Variants in DYNC2H1 observed in about 807,000 individuals in gnomAD.
DYNC2H1 encodes cytoplasmic dynein 2 heavy chain 1.
Under a neutral mutation model 570.0 loss-of-function variants are expected in DYNC2H1, and 410 were observed. That is an observed-to-expected ratio of 0.72 (90% confidence interval 0.66 to 0.78). The LOEUF (loss-of-function observed/expected upper bound fraction) is 0.78, where lower values mean the gene tolerates loss of function less well. Among genes scored for constraint, DYNC2H1 ranks in the 30% least tolerant of loss-of-function variants. The pLI is 0.00. For missense variants in DYNC2H1, 4,865 were observed against 5,046.4 expected (o/e 0.96, Z 1.09); for synonymous variants, 1,688 against 1,677.6 (o/e 1.01, Z -0.15).
chr11:103,250,757 C>T (rs1391844435), intron 65 of DYNC2H1, among the ~76,000 whole-genome samples: 2 of 151,964 alleles, frequency 1.3e-5, no homozygotes, highest in East Asian at 3.9e-4. Context: ...CCTTCTTCAG[C>T]TTCCTACCCA....
chr11:103,346,683 G>C (rs1939761405), intron 82 of DYNC2H1, among the ~76,000 whole-genome samples: 1 of 152,132 alleles, frequency 6.6e-6, no homozygotes, highest in African/African-American at 2.4e-5. Flanking sequence ...AGATATGAAA[G>C]TGTCTTTTTG....
At chr11:103,113,015 T>A (rs1363750084) in intron 1 of DYNC2H1, among the ~76,000 whole-genome samples, 1 of 152,238 alleles carries the variant, frequency 6.6e-6, no homozygotes, top group Non-Finnish European at 1.5e-5. Flanking sequence ...ATAAAGTTAA[T>A]TTCAGGAGAT....
chr11:103,359,669 T>G (rs1434953497), intron 83 of DYNC2H1, among the ~76,000 whole-genome samples: 4 of 35,218 alleles, frequency 1.1e-4, no homozygotes, highest in Non-Finnish European at 2.6e-4. Flanking sequence ...TTTTTTTTAC[T>G]TTTTTTTTTT....
At chr11:103,409,511 G>A (rs564606634) in intron 84 of DYNC2H1, 2 of 152,150 alleles carry the variant, frequency 1.3e-5, no homozygotes, top group Non-Finnish European at 2.9e-5. Context: ...TTATTTCCTA[G>A]GGTCTAAAGA....
intron 83 of DYNC2H1, among the ~76,000 whole-genome samples, chr11:103,374,713 C>A (rs1188044042): frequency 6.6e-6 from 1 of 152,116 alleles, no homozygotes; most frequent in African/African-American, 2.4e-5. Flanking sequence ...TGACCCTGCC[C>A]TAGAGAACTG....
At chr11:103,342,396 A>AC (rs1192589020) in intron 82 of DYNC2H1, among the ~76,000 whole-genome samples, 2 of 152,032 alleles carry the variant, frequency 1.3e-5, no homozygotes, top group South Asian at 2.1e-4. Context: ...AAAGCTGGCC[A>AC]CCCCAGCCAG....
chr11:103,466,481 A>G (rs139648876), intron 87 of DYNC2H1, among the ~76,000 whole-genome samples: 11 of 152,310 alleles, frequency 7.2e-5, no homozygotes, highest in Non-Finnish European at 1.5e-4. Flanking sequence ...GACTAGGAAA[A>G]GATACTAGTA....
chr11:103,148,750 A>AG, intron 20 of DYNC2H1, 133 bp downstream of exon 20: 1 of 1,176,974 alleles, frequency 8.5e-7, no homozygotes, highest in South Asian at 1.7e-5. Flanking sequence ...AGTCTGGCTT[A>AG]CCTGGTTAGC....
chr11:103,373,271 A>T (rs1941249233), intron 83 of DYNC2H1, among the ~76,000 whole-genome samples: 1 of 152,024 alleles, frequency 6.6e-6, no homozygotes, highest in South Asian at 2.1e-4. Context: ...GGTAGATTGT[A>T]TGTGTCTAGG....
At chr11:103,327,333 A>T (rs958211894) in intron 82 of DYNC2H1, among the ~76,000 whole-genome samples, 1 of 151,964 alleles carries the variant, frequency 6.6e-6, no homozygotes, top group Non-Finnish European at 1.5e-5. Context: ...ACCCAAATAC[A>T]TACGTGTGTG....
At chr11:103,378,972 A>G (rs1161283889) in intron 83 of DYNC2H1, among the ~76,000 whole-genome samples, 3 of 152,124 alleles carry the variant, frequency 2.0e-5, no homozygotes, top group African/African-American at 7.2e-5. Flanking sequence ...GTTTGCATCT[A>G]TTCTGTTTGA....
At chr11:103,259,364 CG>C (rs1865180316) in intron 69 of DYNC2H1, among the ~76,000 whole-genome samples, 1 of 152,052 alleles carries the variant, frequency 6.6e-6, no homozygotes, top group African/African-American at 2.4e-5. Flanking sequence ...TCTTGCAAAA[CG>C]GAATTATTAT....
intron 82 of DYNC2H1, among the ~76,000 whole-genome samples, chr11:103,338,950 C>A (rs1939298141): frequency 6.6e-6 from 1 of 152,094 alleles, no homozygotes; most frequent in Non-Finnish European, 1.5e-5. Flanking sequence ...CTTGTTTGTA[C>A]CTGTCCTTCT....
intron 32 of DYNC2H1, 29 bp downstream of exon 32, chr11:103,168,989 C>A: frequency 6.6e-7 from 1 of 1,515,176 alleles, no homozygotes; most frequent in Non-Finnish European, 8.8e-7. Flanking sequence ...TTTTATATTT[C>A]CAATTAGAAA....
rs148826981 is a variant in DYNC2H1, at chr11:103,322,521, C to T, written c.11934+1284C>T. Among the ~76,000 whole-genome samples the T allele has an allele frequency of 1.3e-4, 20 of 152,134 alleles. No homozygotes were observed. The East Asian group carries it at 3.9e-3, about 29-fold the overall frequency. ...GTACATTATACTTAACTCTAACAGC[C>T]TAGTTTTCTTGTTTTTGTGCTGTTT... On this transcript the variant is annotated intron_variant, in intron 81 of 88. Coordinates refer to ENST00000375735, the MANE Select transcript of DYNC2H1 (RefSeq NM_001377.3).
intron 82 of DYNC2H1, among the ~76,000 whole-genome samples, chr11:103,346,870 G>T (rs1042438900): frequency 3.3e-5 from 5 of 152,028 alleles, no homozygotes; most frequent in Admixed American, 2.0e-4. Context: ...TAAAATAATT[G>T]GTTCAGACAA....
chr11:103,187,779 G>T (rs187702148), intron 43 of DYNC2H1, among the ~76,000 whole-genome samples, 193 bp downstream of exon 43: 1 of 151,972 alleles, frequency 6.6e-6, no homozygotes, highest in African/African-American at 2.4e-5. Context: ...TTAGTATTAC[G>T]TCAGGATAAT....
chr11:103,209,072 G>C lies in DYNC2H1; in HGVS notation c.8455-804G>C, dbSNP rs17100123. 0.021 allele frequency among the ~76,000 whole-genome samples: 3,217 copies of C among 152,110 alleles called. 116 individuals carry two copies. The highest frequency in any genetic ancestry group is 0.073 in the African/African-American group (3,034 of 41,502). ...CTGTCACAAGAATTATGGTACATTC[G>C]AACTCTGCATTAATGAAGACATCTT... On this transcript the variant is annotated intron_variant, in intron 52 of 88. Transcript: ENST00000375735. This position sits in a 1 kb window ranked among gnomAD's most constrained non-coding sequence, Gnocchi z 4.2.
At chr11:103,257,797 A>T (rs1182910866) in intron 69 of DYNC2H1, 46 bp downstream of exon 69, 4 of 1,437,464 alleles carry the variant, frequency 2.8e-6, no homozygotes, top group Admixed American at 2.5e-5. Flanking sequence ...TACAGGGATT[A>T]CTTTACTAGG....
Sources: gnomAD v4.1 joint callset for allele counts (sites outside exome capture counted in the v4.1 genomes callset) on GRCh38, gnomAD v4.1.1 for gene constraint, Gnocchi (gnomAD v3.1) non-coding constraint, MANE v1.5 for transcripts, NCBI Gene and HGNC (gene_info 2026-07-23, HGNC 2026-07-21) for gene names.